Variants in CORO2A observed in about 807,000 individuals in gnomAD.
CORO2A encodes the protein coronin 2A, also known as coronin-2A.
Under a neutral mutation model 62.4 loss-of-function variants are expected in CORO2A, and 47 were observed. That is an observed-to-expected ratio of 0.75 (90% CI 0.60 to 0.96). CORO2A has a LOEUF of 0.96. Ranked by LOEUF, CORO2A falls within the 40% of genes least tolerant of loss-of-function variation. The pLI, the probability that CORO2A is intolerant of heterozygous loss-of-function variation, is 0.00. For missense variants in CORO2A, 610 were observed against 684.1 expected (o/e 0.89, Z 1.21); for synonymous variants, 273 against 268.9 (o/e 1.02, Z -0.15).
At chr9:98,158,860 C>T (rs1321053005) in intron 1 of CORO2A, among the ~76,000 whole-genome samples, 3 of 150,680 alleles carry the variant, frequency 2.0e-5, no homozygotes, top group African/African-American at 7.4e-5. Context: ...CACACACACA[C>T]CATGTATATT....
Position 98,123,821 on chromosome 9 carries a change from A to G in CORO2A, c.*953T>C, listed in dbSNP as rs1309835505. ...CAGGCATGCACCACCATGCCTGGTTAATTTTTTATTTTTAGTGGAGACGGG... is the reference window on the plus strand; with the variant it reads ...CAGGCATGCACCACCATGCCTGGTTGATTTTTTATTTTTAGTGGAGACGGG... On this transcript the variant is annotated 3_prime_UTR_variant, in exon 12 of 12. Coordinates refer to ENST00000375077, the MANE Select transcript of CORO2A (RefSeq NM_052820.4). 6.6e-6 allele frequency: 1 copy of G among 151,816 alleles called. No individual in the cohort carries two copies. Among genetic ancestry groups the G allele is most frequent in the Non-Finnish European group, 1.5e-5 (1 of 67,974 alleles). 9.4% of individuals were successfully genotyped at this position (151,816 alleles called of 1,614,324 possible).
intron 2 of CORO2A, among the ~76,000 whole-genome samples, chr9:98,149,202 C>G (rs1189616911): frequency 1.3e-5 from 2 of 152,110 alleles, no homozygotes; most frequent in African/African-American, 4.8e-5. Context: ...CAAAATAAAA[C>G]TTTTAATTAA....
rs149256332 is a variant in CORO2A at position 98,131,020 on chromosome 9, C to T, written c.805G>A (p.Gly269Ser). 20 of 1,613,734 alleles carry T rather than the reference C, an allele frequency of 1.2e-5. No homozygotes were observed. Among genetic ancestry groups the T allele is most frequent in the African/African-American group, 4.0e-5 (3 of 74,886 alleles). ...AAGGGAAACAGCACGCCCGAGGAGCCGTCCAGGTCCTCCTCCATCAGAGGC... is the reference window on the plus strand; with the variant it reads ...AAGGGAAACAGCACGCCCGAGGAGCTGTCCAGGTCCTCCTCCATCAGAGGC... ...SVPLMEEDLDGSSGVLFPFYD... is the reference protein window; with the variant it reads ...SVPLMEEDLDSSSGVLFPFYD... The change falls in exon 7 of 12, where the codon GGC (glycine) becomes AGC (serine). Residue 269 changes from glycine (G) to serine (S), a missense_variant. Gly to Ser is a moderately conservative substitution (Grantham distance 56). Coordinates refer to ENST00000375077, the MANE Select transcript of CORO2A (RefSeq NM_052820.4).
intron 1 of CORO2A, among the ~76,000 whole-genome samples, chr9:98,173,547 C>T (rs1554747182): frequency 6.6e-6 from 1 of 151,956 alleles, no homozygotes; most frequent in Non-Finnish European, 1.5e-5. Context: ...TTTCTTAAGT[C>T]TCTTCTCAAC....
intron 1 of CORO2A, among the ~76,000 whole-genome samples, chr9:98,158,893 A>AT (rs1827844280): frequency 6.6e-6 from 1 of 152,016 alleles, no homozygotes; most frequent in Non-Finnish European, 1.5e-5. Flanking sequence ...TGAAGAGAAT[A>AT]CAAGCCAGAG....
intron 1 of CORO2A, among the ~76,000 whole-genome samples, chr9:98,181,900 G>A (rs1828182196): frequency 6.6e-6 from 1 of 152,170 alleles, no homozygotes; most frequent in Non-Finnish European, 1.5e-5. Context: ...CTTCCAAGCT[G>A]TGTGACCTCA....
In CORO2A at chr9:98,176,105, A is replaced by G. The variant is rs1386820536; in HGVS notation, c.-1+16454T>C. The stretch of plus-strand genomic sequence containing the variant: ...TCCTTTATTTTTCCTCAAAGCGGCA[A>G]TATCAAAAGATCTAAACATTCGGCG... On this transcript the variant is annotated intron_variant, in intron 1 of 11. Transcript: ENST00000375077. 3.9e-5 allele frequency among the ~76,000 whole-genome samples: 6 copies of G among 152,202 alleles called. No homozygotes were observed. The East Asian group carries it at 1.2e-3, about 29-fold the overall frequency.
intron 2 of CORO2A, among the ~76,000 whole-genome samples, chr9:98,142,605 A>G (rs1827585679): frequency 6.6e-6 from 1 of 152,244 alleles, no homozygotes; most frequent in Admixed American, 6.5e-5. Flanking sequence ...GCCAATAGTC[A>G]GGCTGCCCTC....
At chr9:98,161,066 G>C (rs1827878677) in intron 1 of CORO2A, among the ~76,000 whole-genome samples, 1 of 152,214 alleles carries the variant, frequency 6.6e-6, no homozygotes, top group South Asian at 2.1e-4. Flanking sequence ...CACTTGTAGA[G>C]TGAACCATGA....
chr9:98,175,076 G>A (rs759514410), intron 1 of CORO2A, among the ~76,000 whole-genome samples: 3 of 152,136 alleles, frequency 2.0e-5, no homozygotes, highest in Non-Finnish European at 4.4e-5. Context: ...TTTCCACAGA[G>A]CTCCTATTCT....
intron 2 of CORO2A, among the ~76,000 whole-genome samples, chr9:98,150,033 G>A (rs1247082143): frequency 6.6e-6 from 1 of 151,766 alleles, no homozygotes; most frequent in Non-Finnish European, 1.5e-5. Context: ...CTGGGTTCAA[G>A]CAGTTCTCCT....
At chr9:98,138,284 A>G (rs2118826328) in intron 2 of CORO2A, among the ~76,000 whole-genome samples, 1 of 152,034 alleles carries the variant, frequency 6.6e-6, no homozygotes, top group East Asian at 1.9e-4. Flanking sequence ...GCGTGGTAGC[A>G]TGCACCTGTA....
chr9:98,147,003 A>G (rs919693741), intron 2 of CORO2A, among the ~76,000 whole-genome samples: 1 of 152,160 alleles, frequency 6.6e-6, no homozygotes, highest in Non-Finnish European at 1.5e-5. Context: ...GTGGTGGCTC[A>G]TGCCTGTTAT....
Position 98,132,167 on chromosome 9 carries a change from G to T in CORO2A, c.765+18C>A. The T allele has an allele frequency of 1.3e-6, 2 of 1,548,898 alleles. No individual in the cohort carries two copies. Among genetic ancestry groups the T allele is most frequent in the Non-Finnish European group, 1.8e-6 (2 of 1,120,618 alleles). Reference sequence around the variant, plus strand: ...CTCAGCTGAGGGGTGATGGTGAGGGGTGGGGTGCAGCCCTCACCTGGTCCC... The same window carrying T: ...CTCAGCTGAGGGGTGATGGTGAGGGTTGGGGTGCAGCCCTCACCTGGTCCC... On this transcript the variant is annotated intron_variant, in intron 6 of 11. Coordinates refer to ENST00000375077, the MANE Select transcript of CORO2A (RefSeq NM_052820.4).
At chr9:98,156,303 G>T (rs1827802197) in intron 2 of CORO2A, among the ~76,000 whole-genome samples, 1 of 152,094 alleles carries the variant, frequency 6.6e-6, no homozygotes, top group Non-Finnish European at 1.5e-5. Flanking sequence ...GCCTTCCAAA[G>T]TGCTGGGATT....
At chr9:98,127,031 T>A (rs1042575200) in intron 10 of CORO2A, 10 of 610,838 alleles carry the variant, frequency 1.6e-5, no homozygotes, top group Non-Finnish European at 2.9e-5. Context: ...ACCCTCAGAG[T>A]GAAGCTTGGT....
intron 2 of CORO2A, among the ~76,000 whole-genome samples, chr9:98,140,118 C>T (rs980206790): frequency 6.6e-6 from 1 of 152,160 alleles, no homozygotes; most frequent in Non-Finnish European, 1.5e-5. Flanking sequence ...CCCTCGACCT[C>T]CCACATCCAC....
intron 1 of CORO2A, among the ~76,000 whole-genome samples, chr9:98,165,212 G>A (rs879892580): frequency 1.3e-5 from 2 of 152,160 alleles, no homozygotes; most frequent in African/African-American, 4.8e-5. Flanking sequence ...TCACACCTCA[G>A]CCTCTCAAAG....
chr9:98,157,429 G>C (rs2118875275), intron 2 of CORO2A, 31 bp downstream of exon 2: 2 of 1,609,338 alleles, frequency 1.2e-6, no homozygotes, highest in Non-Finnish European at 1.7e-6. Flanking sequence ...CCTGCCTCCA[G>C]AGAGCTGTTT....
Sources: allele counts gnomAD v4.1 joint callset (sites outside exome capture counted in the v4.1 genomes callset), GRCh38; gene constraint gnomAD v4.1.1; transcripts MANE v1.5; gene names NCBI Gene and HGNC (gene_info 2026-07-23, HGNC 2026-07-21).